The following RETREG3 variants were observed in gnomAD, a reference collection of about 807,000 sequenced individuals.
The protein encoded by RETREG3 is reticulophagy regulator family member 3.
RETREG3 carries 23 observed loss-of-function variants against 50.2 expected under a neutral mutation model. The ratio of observed to expected loss-of-function variants is 0.46; its 90% CI spans 0.33 to 0.65. The LOEUF (loss-of-function observed/expected upper bound fraction) is 0.65. RETREG3 is among the 30% of genes least tolerant of loss of function. The pLI is 0.02. For synonymous variants in RETREG3, 240 were observed against 234.4 expected (o/e 1.02, Z -0.22); for missense variants, 546 against 598.0 (o/e 0.91, Z 0.91).
At chr17:42,599,426 G>C (rs949087063) in intron 1 of RETREG3, among the ~76,000 whole-genome samples, 5 of 151,930 alleles carry the variant, frequency 3.3e-5, no homozygotes, top group Non-Finnish European at 5.9e-5. Context: ...AGCCTTAGGT[G>C]GGTGGATAAC....
At chr17:42,605,884 G>A (rs538482334) in intron 1 of RETREG3, among the ~76,000 whole-genome samples, 5 of 151,690 alleles carry the variant, frequency 3.3e-5, no homozygotes, top group Non-Finnish European at 7.4e-5. Flanking sequence ...CCAGCTACTC[G>A]GGAGGCTGGG....
chr17:42,602,538 T>G lies in RETREG3; in HGVS notation c.239+6548A>C, dbSNP rs552674884. ...CCCAGCCCTGGAAAAGCTTCTTAAG[T>G]GGCTTAAAATATGTTACCAAACTAC... is the stretch of plus-strand genomic sequence containing the variant. On this transcript the variant is annotated intron_variant, in intron 1 of 8. Coordinates refer to ENST00000309428, the MANE Select transcript of RETREG3 (RefSeq NM_178126.4). Among the ~76,000 whole-genome samples the G allele has an allele frequency of 3.3e-5, 5 of 152,332 alleles. No homozygotes were observed. The South Asian group carries it at 1.0e-3, about 32-fold the overall frequency.
chr17:42,582,518 C>T (rs2143368077), intron 8 of RETREG3, among the ~76,000 whole-genome samples, 156 bp downstream of exon 8: 1 of 152,320 alleles, frequency 6.6e-6, no homozygotes, highest in Middle Eastern at 3.4e-3. Flanking sequence ...GGCAGCAGTG[C>T]CATCCTGGCT....
chr17:42,608,157 T>G (rs1041464125), intron 1 of RETREG3, among the ~76,000 whole-genome samples: 2 of 152,104 alleles, frequency 1.3e-5, no homozygotes, highest in African/African-American at 4.8e-5. Context: ...TCCAGAATAG[T>G]CTTAATCCAT....
intron 1 of RETREG3, among the ~76,000 whole-genome samples, chr17:42,597,523 G>C (rs9907208): frequency 8.5e-6 from 1 of 117,028 alleles, no homozygotes; most frequent in Non-Finnish European, 1.6e-5. Context: ...GTGTGTGTGT[G>C]TATATATATA....
Position 42,595,916 on chromosome 17 carries a change from C to T in RETREG3, c.240-3754G>A, listed in dbSNP as rs1019019543. ...GCCCTGTCTAAGAAAAAAAAAAAAT[C>T]ATTAAGAAAAAATAGATTGTGAGCC... On this transcript the variant is annotated intron_variant, in intron 1 of 8. Transcript: ENST00000309428. Among the ~76,000 whole-genome samples the T allele has an allele frequency of 4.0e-5, 6 of 151,022 alleles. No homozygotes were observed. In the East Asian group the frequency reaches 7.8e-4, roughly 20 times the overall value.
chr17:42,587,641 A>G (rs1002399281), intron 3 of RETREG3, 193 bp downstream of exon 3: 1 of 608,922 alleles, frequency 1.6e-6, no homozygotes, highest in African/African-American at 1.9e-5. Context: ...CTTCTCTTGT[A>G]AAGATCAGAG....
intron 1 of RETREG3, among the ~76,000 whole-genome samples, chr17:42,606,518 G>A (rs546458253): frequency 1.3e-5 from 2 of 151,350 alleles, no homozygotes; most frequent in African/African-American, 4.9e-5. Context: ...GGAGAATGGC[G>A]TGAACCCGGG....
rs1234947905 is a variant in RETREG3, at chr17:42,580,273, A to C, written c.*1540T>G. 2.6e-5 allele frequency: 4 copies of C among 152,748 alleles called. No individual in the cohort carries two copies. The highest frequency in any genetic ancestry group is 9.6e-5 in the African/African-American group (4 of 41,456). 9.5% of individuals were successfully genotyped at this position (152,748 alleles called of 1,614,324 possible). ...AAGCAGTTGAAAATAAAAGCTGTAA[A>C]GGAGCTGAACAGGAAGTAAGAATAG... On this transcript the variant is annotated 3_prime_UTR_variant, in exon 9 of 9. Coordinates refer to ENST00000309428, the MANE Select transcript of RETREG3 (RefSeq NM_178126.4).
Position 42,582,068 on chromosome 17 carries a change from G to A in RETREG3, c.1146C>T (p.Leu382=). 1 of 1,614,100 alleles carries A rather than the reference G, an allele frequency of 6.2e-7. No individual in the cohort carries two copies. The highest frequency in any genetic ancestry group is 2.2e-5 in the East Asian group (1 of 44,866). The change falls in exon 9 of 9, where the codon CTC becomes CTT. Residue 382 remains leucine, a synonymous_variant. Transcript: ENST00000309428. ...ATCCTACAGGAAGAGCACCAAGCAG[G>A]AGCTCCGGCAGCGCAGCCTCGTCCC... ...ASRDEAALPE[L]LLGALPVGSN...
chr17:42,583,703 C>T, intron 6 of RETREG3, 123 bp from the exon 7 acceptor site: 1 of 801,596 alleles, frequency 1.2e-6, no homozygotes, highest in South Asian at 2.3e-5. Flanking sequence ...TCTAAGCCTA[C>T]ATAATAATAA....
At chr17:42,608,525 T>C (rs756341162) in intron 1 of RETREG3, 1 of 152,238 alleles carries the variant, frequency 6.6e-6, no homozygotes, top group Non-Finnish European at 1.5e-5. Flanking sequence ...CTTTAAAAGC[T>C]TGTAATTTTC....
intron 1 of RETREG3, among the ~76,000 whole-genome samples, chr17:42,604,925 T>G (rs2093165073): frequency 6.6e-6 from 1 of 152,110 alleles, no homozygotes; most frequent in East Asian, 1.9e-4. Flanking sequence ...TTCCCCCAAA[T>G]CACTCATTCA....
chr17:42,601,969 AACTAT>A (rs1165793721), intron 1 of RETREG3, among the ~76,000 whole-genome samples: 1 of 152,078 alleles, frequency 6.6e-6, no homozygotes, highest in Admixed American at 6.6e-5. Context: ...ATAAAAGCTG[AACTAT>A]ACATCACTGA....
rs1220723806 is a variant in RETREG3, at chr17:42,580,948, G to A, written c.*865C>T. 2 of 150,724 alleles carry A rather than the reference G, an allele frequency of 1.3e-5. No individual in the cohort carries two copies. Among genetic ancestry groups the A allele is most frequent in the Non-Finnish European group, 2.9e-5 (2 of 67,952 alleles). 9.3% of individuals were successfully genotyped at this position (150,724 alleles called of 1,614,324 possible). On this transcript the variant is annotated 3_prime_UTR_variant, in exon 9 of 9. Transcript: ENST00000309428. Reference sequence around the variant, plus strand: ...TCAGCTACTGAGGAGGCTGAGGTAGGAGAATCGCTTGACCCGGCAGGCGGA... The same window carrying A: ...TCAGCTACTGAGGAGGCTGAGGTAGAAGAATCGCTTGACCCGGCAGGCGGA...
chr17:42,599,848 G>T (rs964636989), intron 1 of RETREG3, among the ~76,000 whole-genome samples: 4 of 151,984 alleles, frequency 2.6e-5, no homozygotes, highest in Non-Finnish European at 4.4e-5. Flanking sequence ...CAAAAAATTA[G>T]CTGGGCATAG....
chr17:42,585,543 TA>T (rs1430589001), intron 5 of RETREG3, among the ~76,000 whole-genome samples: 8 of 152,240 alleles, frequency 5.3e-5, no homozygotes. Flanking sequence ...CACTGAGCCA[TA>T]AATGGAAATT....
At chr17:42,587,075 G>C in intron 3 of RETREG3, 184 bp from the exon 4 acceptor site, 5 of 773,996 alleles carry the variant, frequency 6.5e-6, no homozygotes, top group Non-Finnish European at 1.0e-5. Context: ...TTAGGTACAA[G>C]GAGGACAAAC....
At chr17:42,583,475 A>G (rs757088221) in intron 7 of RETREG3, 23 bp downstream of exon 7, 1 of 1,610,852 alleles carries the variant, frequency 6.2e-7, no homozygotes, top group Admixed American at 1.7e-5. Context: ...TGGACAGTGA[A>G]GCAGCTCCCA....
Sources: allele counts gnomAD v4.1 joint callset (sites outside exome capture counted in the v4.1 genomes callset), GRCh38; gene constraint gnomAD v4.1.1; transcripts MANE v1.5; gene names NCBI Gene and HGNC (gene_info 2026-07-23, HGNC 2026-07-21).